Variants in POLI observed in about 807,000 individuals in gnomAD.
POLI encodes DNA polymerase iota, also known as RAD30 homolog B.
POLI carries 58 observed loss-of-function variants against 51.6 expected under a neutral mutation model. The observed-to-expected ratio is 1.12, with a 90% CI of 0.91 to 1.40. POLI has a LOEUF of 1.40. POLI is among the 40% of genes most tolerant of loss of function. POLI has a pLI of 0.00. For synonymous variants in POLI, 322 were observed against 299.7 expected (o/e 1.07, Z -0.77); for missense variants, 921 against 871.3 (o/e 1.06, Z -0.72).
rs1422880901 is a variant in POLI at position 54,313,529 on chromosome 18, G to A, written c.334-6744G>A. Reference sequence around the variant, plus strand: ...GTTTGATAGGAATATCATTGAATCTGTAAATTACTCTGGGCACTATTACCA... The same window carrying A: ...GTTTGATAGGAATATCATTGAATCTATAAATTACTCTGGGCACTATTACCA... On this transcript the variant is annotated intron_variant, in intron 3 of 4. Coordinates refer to the POLI transcript ENST00000579823. Among the ~76,000 whole-genome samples the A allele has an allele frequency of 2.0e-5, 3 of 152,076 alleles. No individual in the cohort carries two copies. In the East Asian group the frequency reaches 5.8e-4, roughly 29 times the overall value.
intron 3 of POLI, chr18:54,274,986 A>G (rs1340784251): frequency 6.6e-6 from 1 of 152,214 alleles, no homozygotes; most frequent in Non-Finnish European, 1.5e-5. Context: ...AATTATAGGG[A>G]AAAAATGCTC....
At chr18:54,286,489 G>C (rs901960036) in intron 7 of POLI, among the ~76,000 whole-genome samples, 5 of 151,816 alleles carry the variant, frequency 3.3e-5, no homozygotes, top group African/African-American at 1.2e-4. Flanking sequence ...AATGGTAATA[G>C]TGATTACTCT....
At chr18:54,306,473 T>A (rs907572048) in intron 3 of POLI, among the ~76,000 whole-genome samples, 3 of 152,210 alleles carry the variant, frequency 2.0e-5, no homozygotes, top group Non-Finnish European at 4.4e-5. Flanking sequence ...GGATTCGGTT[T>A]GCCAGTATTT....
rs544537203 is a variant in POLI at position 54,296,931 on chromosome 18, G to A, written c.*2464G>A. ...TAAGTCTACATTTAAGGTTATTATT[G>A]CATATCATTGTGACTTATTTCCTTG... is the stretch of plus-strand genomic sequence containing the variant. On this transcript the variant is annotated 3_prime_UTR_variant, in exon 10 of 10. Coordinates refer to ENST00000579534, the MANE Select transcript of POLI (RefSeq NM_007195.3). 3.0e-4 allele frequency: 295 copies of A among 970,308 alleles called. 1 individual carries two copies. In the African/African-American group the frequency reaches 4.6e-3, roughly 15 times the overall value. The allele number at this position is 970,308 out of a possible 1,614,324, so 60.1% of individuals were successfully genotyped here. A position where few individuals can be genotyped will look rare whatever the true frequency, so the allele number is the denominator to read the frequency against.
chr18:54,294,098 A>G lies in POLI; in HGVS notation c.1854A>G (p.Gln618=). ...NSSSSSYMSS[Q]KDYSYYLDNR... ...GTAGTTCTTCTTACATGTCTAGCCAAAAGGATTATTCATATTATTTAGATA... is the reference window on the plus strand; with the variant it reads ...GTAGTTCTTCTTACATGTCTAGCCAGAAGGATTATTCATATTATTTAGATA... The change falls in exon 10 of 10, where the codon CAA becomes CAG. Residue 618 remains glutamine, a synonymous_variant. Transcript: ENST00000579534. 6.2e-7 allele frequency: 1 copy of G among 1,609,548 alleles called. No homozygotes were observed. The highest frequency in any genetic ancestry group is 8.5e-7 in the Non-Finnish European group (1 of 1,176,024).
chr18:54,299,465 T>C (rs2088453444), downstream of POLI, among the ~76,000 whole-genome samples: 2 of 152,090 alleles, frequency 1.3e-5, no homozygotes, highest in South Asian at 4.1e-4. Context: ...TGTTTTATAA[T>C]AAAATGTTGA....
Position 54,269,535 on chromosome 18 carries a change from G to A in POLI, c.-12G>A, listed in dbSNP as rs1356315946. On this transcript the variant is annotated 5_prime_UTR_variant, in exon 1 of 10. Transcript: ENST00000579534. Reference sequence around the variant, plus strand: ...AGCGGCCGGAAGTAGCGCTGCGGTTGGCAGCGGCGGGATGGAGAAGCTGGG... The same window carrying A: ...AGCGGCCGGAAGTAGCGCTGCGGTTAGCAGCGGCGGGATGGAGAAGCTGGG... 2.0e-6 allele frequency: 3 copies of A among 1,507,128 alleles called. No homozygotes were observed. Among genetic ancestry groups the A allele is most frequent in the East Asian group, 5.6e-5 (2 of 36,022 alleles). The allele number at this position is 1,507,128 out of a possible 1,614,324, so 93.4% of individuals were successfully genotyped here.
At chr18:54,285,521 A>T (rs1388891564) in intron 7 of POLI, among the ~76,000 whole-genome samples, 1 of 144,760 alleles carries the variant, frequency 6.9e-6, no homozygotes, top group South Asian at 2.3e-4. Context: ...AAATTACAGG[A>T]GTGTGTGTGT....
chr18:54,309,476 C>A (rs1568159731), intron 3 of POLI, among the ~76,000 whole-genome samples: 2 of 152,134 alleles, frequency 1.3e-5, no homozygotes. Flanking sequence ...CTCAGAGGGG[C>A]ACCCGGCTGT....
chr18:54,273,935 A>G lies in POLI; in HGVS notation c.251A>G (p.Gln84Arg). The change falls in exon 3 of 10, where the codon CAG (glutamine) becomes CGG (arginine). Residue 84 changes from glutamine to arginine, a missense_variant. Physicochemically the swap from Gln to Arg is conservative, Grantham distance 43. Transcript: ENST00000579534. ...ELKDKPLGVQ[Q>R]KYLVVTCNYE... is the part of the protein sequence containing the mutation. The stretch of plus-strand genomic sequence containing the variant: ...AAAATATTTTTTACAGGGGTTCAAC[A>G]GAAATATTTGGTGGTTACCTGCAAC... 6.5e-7 allele frequency: 1 copy of G among 1,536,304 alleles called. No homozygotes were observed. Among genetic ancestry groups the G allele is most frequent in the Middle Eastern group, 1.7e-4 (1 of 5,748 alleles).
At chr18:54,269,515 C>T, upstream of POLI, 1 of 1,503,578 alleles carries the variant, frequency 6.7e-7, no homozygotes, top group Non-Finnish European at 8.8e-7. Context: ...GCGGAAGCGG[C>T]CGGAAGTAGC....
chr18:54,304,345 C>T (rs1449664425), intron 3 of POLI, among the ~76,000 whole-genome samples: 1 of 152,156 alleles, frequency 6.6e-6, no homozygotes, highest in Non-Finnish European at 1.5e-5. Flanking sequence ...CACTGTCATC[C>T]ACAATGGTTG....
downstream of POLI, among the ~76,000 whole-genome samples, chr18:54,301,611 C>G (rs2088492640): frequency 6.6e-6 from 1 of 152,120 alleles, no homozygotes; most frequent in Admixed American, 6.5e-5. Flanking sequence ...AATCAATACT[C>G]AACTGAGGAC....
intron 3 of POLI, among the ~76,000 whole-genome samples, chr18:54,303,392 A>T (rs991686556): frequency 2.3e-4 from 35 of 152,182 alleles, no homozygotes; most frequent in African/African-American, 7.7e-4. Context: ...GTCATGTTTT[A>T]TTTTAATTAC....
exon 4 of POLI, chr18:54,320,363 A>T (rs910331585): frequency 2.0e-5 from 3 of 152,198 alleles, no homozygotes; most frequent in Non-Finnish European, 2.9e-5. Flanking sequence ...TTTACTAAAC[A>T]CTAAAGGAGT....
chr18:54,309,558 T>G (rs986390660), intron 3 of POLI, among the ~76,000 whole-genome samples: 10 of 152,132 alleles, frequency 6.6e-5, no homozygotes, highest in Admixed American at 2.0e-4. Context: ...GAAGAGGCAG[T>G]CAGTCCACTC....
At position 54,311,076 on chromosome 18, in the gene POLI, G is replaced by T. The variant is rs35493654; in HGVS notation, c.334-9197G>T. ...TGTGCCCAGTCTAGCTATTTCTTTT[G>T]GATCTGTTGTAGAACTATGAATTGA... On this transcript the variant is annotated intron_variant, in intron 3 of 4. Transcript: ENST00000579823. 818 of 982,806 alleles carry T rather than the reference G, an allele frequency of 8.3e-4. 1 individual carries two copies. The highest frequency in any genetic ancestry group is 1.1e-3 in the South Asian group (23 of 21,248). 60.9% of individuals were successfully genotyped at this position (982,806 alleles called of 1,614,324 possible). A position where few individuals can be genotyped will look rare whatever the true frequency, so the allele number is the denominator to read the frequency against.
intron 3 of POLI, among the ~76,000 whole-genome samples, chr18:54,314,973 T>C (rs990581586): frequency 6.7e-6 from 1 of 150,256 alleles, no homozygotes; most frequent in Non-Finnish European, 1.5e-5. Context: ...TCTGTTATGC[T>C]CTGATTTTGG....
At chr18:54,303,860 C>T (rs2088534086) in intron 3 of POLI, among the ~76,000 whole-genome samples, 1 of 151,442 alleles carries the variant, frequency 6.6e-6, no homozygotes, top group South Asian at 2.1e-4. Flanking sequence ...TTTGCTGCAC[C>T]CATTAACTAG....
Sources: gnomAD v4.1 joint callset for allele counts (sites outside exome capture counted in the v4.1 genomes callset) on GRCh38, gnomAD v4.1.1 for gene constraint, MANE v1.5 for transcripts, NCBI Gene and HGNC (gene_info 2026-07-23, HGNC 2026-07-21) for gene names.